SERPINB6: variants seen among roughly 807,000 people sequenced by gnomAD.
SERPINB6 encodes the protein serpin B6.
Under a neutral mutation model 26.1 loss-of-function variants are expected in SERPINB6, and 16 were observed. The observed-to-expected ratio is 0.61, with a 90% CI of 0.42 to 0.93. SERPINB6 has a LOEUF of 0.93. SERPINB6 is among the 40% of genes least tolerant of loss of function. The probability of loss-of-function intolerance (pLI) is 0.00; values close to 1 mark genes in which losing one functional copy is unlikely to be tolerated. For missense variants in SERPINB6, 420 were observed against 478.0 expected, an observed-to-expected ratio of 0.88 and a Z score of 1.13; for synonymous variants, 174 against 176.6, an observed-to-expected ratio of 0.99 and a Z score of 0.11.
chr6:2,959,390 G>C, intron 1 of SERPINB6, 48 bp from the exon 2 acceptor site: 1 of 1,593,082 alleles, frequency 6.3e-7, no homozygotes, highest in South Asian at 1.1e-5. Context: ...GCTTCCACGC[G>C]ACTGCATCTC....
Position 2,948,215 on chromosome 6 carries a change from A to T in SERPINB6, c.*83T>A. 2 of 1,542,682 alleles carry T rather than the reference A, an allele frequency of 1.3e-6. No homozygotes were observed. The highest frequency in any genetic ancestry group is 2.2e-5 in the South Asian group (2 of 89,288). ...TTTCTGAACTGCCACCACTGCACGG[A>T]TAAGGCCACTTGGGTTGCAGGCACA... On this transcript the variant is annotated 3_prime_UTR_variant, in exon 7 of 7. Coordinates refer to ENST00000380539, the MANE Select transcript of SERPINB6 (RefSeq NM_004568.6). The surrounding 1 kb of genome is among the most constrained non-coding windows in gnomAD (Gnocchi z 5.0).
intron 4 of SERPINB6, among the ~76,000 whole-genome samples, chr6:2,953,845 A>G (rs1220077262): frequency 1.3e-5 from 2 of 152,120 alleles, no homozygotes; most frequent in African/African-American, 4.8e-5. Context: ...CCTGGCCAAC[A>G]TGGTGAAAAC....
intron 1 of SERPINB6, chr6:2,969,869 G>C (rs1771970014): frequency 1.1e-6 from 1 of 919,758 alleles, no homozygotes. Context: ...AGGCGCAGTG[G>C]CTCACATCTG....
In SERPINB6 at chr6:2,948,592, G is replaced by C. The variant is rs377464993; in HGVS notation, c.837C>G (p.Ser279Arg). 3.1e-6 allele frequency: 5 copies of C among 1,614,204 alleles called. No homozygotes were observed. The highest frequency in any genetic ancestry group is 4.2e-6 in the Non-Finnish European group (5 of 1,180,020). Residue 279 changes from serine to arginine, a missense_variant, in exon 7 of 7, where the codon AGC (serine) becomes AGG (arginine). Transcript: ENST00000380539. The surrounding 1 kb of genome is among the most constrained non-coding windows in gnomAD (Gnocchi z 5.0). ...VSLPRFKLEE[S>R]YDMESVLRNL... ...TGCGCAGGACACTCTCCATGTCGTA[G>C]CTTTCCTCTAGTTTAAACCGCGGGA... is the stretch of plus-strand genomic sequence containing the variant.
intron 5 of SERPINB6, among the ~76,000 whole-genome samples, chr6:2,949,414 A>G (rs1769524354): frequency 2.0e-5 from 3 of 152,218 alleles, no homozygotes; most frequent in African/African-American, 7.2e-5. Flanking sequence ...GACATAAAAG[A>G]AACTCCCAGC....
chr6:2,948,926 A>G lies in SERPINB6; in HGVS notation c.717T>C (p.Thr239=), dbSNP rs1769442153. 6.2e-7 allele frequency: 1 copy of G among 1,614,258 alleles called. No individual in the cohort carries two copies. Among genetic ancestry groups the G allele is most frequent in the Non-Finnish European group, 8.5e-7 (1 of 1,180,052 alleles). Residue 239 remains threonine (T), a synonymous_variant, in exon 6 of 7, where the codon ACT becomes ACC. Transcript: ENST00000380539. The surrounding 1 kb of genome is among the most constrained non-coding windows in gnomAD (Gnocchi z 5.0). ...NMIIMLPDET[T]DLRTVEKELT... is the part of the protein sequence containing the mutation. The stretch of plus-strand genomic sequence containing the variant: ...GCTTAGCTGTTACCGTTCTCAAGTC[A>G]GTGGTCTCGTCCGGAAGCATGATGA...
intron 2 of SERPINB6, among the ~76,000 whole-genome samples, chr6:2,958,924 G>A (rs1004792678): frequency 1.3e-5 from 2 of 152,070 alleles, no homozygotes; most frequent in Non-Finnish European, 2.9e-5. Context: ...AACAAGCTAA[G>A]CCATGTGATG....
chr6:2,953,178 CA>C lies in SERPINB6; in HGVS notation c.438del (p.Ile146MetfsTer13). 1 of 1,614,216 alleles carries C rather than the reference CA, an allele frequency of 6.2e-7. No homozygotes were observed. The highest frequency in any genetic ancestry group is 1.1e-5 in the South Asian group (1 of 91,088). On this transcript the variant is annotated frameshift_variant, in exon 5 of 7. Transcript: ENST00000380539. LOFTEE classifies it high-confidence loss of function. The stretch of plus-strand genomic sequence containing the variant: ...ACTGAGCCCGGAGAGAGCAACTCCG[CA>C]ATTTTACCTGAGCGGAAGAATTCAA... ...TWVAEKTEGK[I>X]AELLSPGSVD...
chr6:2,969,734 C>G, intron 1 of SERPINB6: 4 of 984,420 alleles, frequency 4.1e-6, no homozygotes, highest in Non-Finnish European at 4.8e-6. Context: ...CTTGGACTTC[C>G]TGCTTTGTCC....
chr6:2,969,074 T>C, intron 1 of SERPINB6: 1 of 1,116,744 alleles, frequency 9.0e-7, no homozygotes, highest in Non-Finnish European at 1.1e-6. Context: ...GAACAATTAA[T>C]CATAAAAAAG....
chr6:2,970,810 C>T, intron 1 of SERPINB6: 1 of 1,230,466 alleles, frequency 8.1e-7, no homozygotes, highest in African/African-American at 1.6e-5. Flanking sequence ...GACATCAAAG[C>T]CTGTAATAGT....
chr6:2,961,806 G>A, intron 1 of SERPINB6: 1 of 984,368 alleles, frequency 1.0e-6, no homozygotes, highest in South Asian at 4.7e-5. Context: ...AGCTGGCCAG[G>A]GGAAGGTCCC....
At chr6:2,951,391 AAAATAAAAAAT>A (rs1206640777) in intron 5 of SERPINB6, among the ~76,000 whole-genome samples, 62 of 138,178 alleles carry the variant, frequency 4.5e-4, no homozygotes, top group African/African-American at 1.4e-3. Context: ...TGTCTTGGAA[AAAATAAAAAAT>A]AAAAAAAAAA....
At chr6:2,961,130 A>T (rs1200940978) in intron 1 of SERPINB6, 2 of 152,216 alleles carry the variant, frequency 1.3e-5, no homozygotes, top group Non-Finnish European at 2.9e-5. Flanking sequence ...TTAGCCACGA[A>T]TCCATGGTCA....
At chr6:2,961,841 G>T (rs1271987761) in intron 1 of SERPINB6, 1 of 984,094 alleles carries the variant, frequency 1.0e-6, no homozygotes. Flanking sequence ...CCCCATCCTA[G>T]ACTATTCTAC....
At chr6:2,956,262 C>G (rs1770465511) in intron 2 of SERPINB6, 1 of 154,036 alleles carries the variant, frequency 6.5e-6, no homozygotes, top group African/African-American at 2.4e-5. Flanking sequence ...ACAGGCCGCC[C>G]CTGACATCAG....
chr6:2,952,888 G>C (rs1034100746), intron 5 of SERPINB6, among the ~76,000 whole-genome samples, 156 bp downstream of exon 5: 15 of 152,256 alleles, frequency 9.9e-5, no homozygotes, highest in Non-Finnish European at 1.9e-4. Context: ...AGGTGGCAGG[G>C]CGGATGCCAG....
chr6:2,963,659 C>T (rs1561687839), intron 1 of SERPINB6: 1 of 152,400 alleles, frequency 6.6e-6, no homozygotes, highest in Non-Finnish European at 1.5e-5. Context: ...CCCGTACCCA[C>T]TCCCGTATTT....
intron 4 of SERPINB6, 49 bp from the exon 5 acceptor site, chr6:2,953,235 C>T (rs766555355): frequency 5.0e-6 from 8 of 1,612,792 alleles, no homozygotes; most frequent in South Asian, 1.1e-5. Context: ...GCTGCGGATC[C>T]CCGACACATC....
Sources: allele counts gnomAD v4.1 joint callset (sites outside exome capture counted in the v4.1 genomes callset), GRCh38; gene constraint gnomAD v4.1.1; non-coding constraint Gnocchi (gnomAD v3.1); transcripts MANE v1.5; gene names NCBI Gene and HGNC (gene_info 2026-07-23, HGNC 2026-07-21).